LRRTM3: variants seen among roughly 807,000 people sequenced by gnomAD.
The protein encoded by LRRTM3 is leucine rich repeat transmembrane neuronal 3.
In LRRTM3, 24 loss-of-function variants were observed where a neutral mutation model predicts 44.7. That is an observed-to-expected ratio of 0.54 (90% CI 0.39 to 0.76). The LOEUF is 0.76. Among genes scored for constraint, LRRTM3 ranks in the 30% least tolerant of loss-of-function variants. LRRTM3 has a pLI of 0.00. For missense variants in LRRTM3, 587 were observed against 702.2 expected (o/e 0.84, Z 1.85); for synonymous variants, 277 against 278.7 (o/e 0.99, Z 0.06).
intron 2 of LRRTM3, among the ~76,000 whole-genome samples, chr10:67,095,787 G>A (rs1225886487): frequency 6.6e-6 from 1 of 151,798 alleles, no homozygotes; most frequent in African/African-American, 2.4e-5. Flanking sequence ...AGAGGATAAT[G>A]TAAAACTCGT....
Position 66,952,244 on chromosome 10 carries a change from G to A in LRRTM3, c.1536+23792G>A, listed in dbSNP as rs189917702. On this transcript the variant is annotated intron_variant, in intron 2 of 2. Coordinates refer to ENST00000361320, the MANE Select transcript of LRRTM3 (RefSeq NM_178011.5). ...AATGAAAAGAATACTCATTGTAATTGAAACTATGCAGGGGACAGAGCTTCC... is the reference window on the plus strand; with the variant it reads ...AATGAAAAGAATACTCATTGTAATTAAAACTATGCAGGGGACAGAGCTTCC... Among the ~76,000 whole-genome samples, 118 of 152,282 alleles carry A rather than the reference G, an allele frequency of 7.7e-4. No individual in the cohort carries two copies. The Middle Eastern group carries it at 0.014, about 18-fold the overall frequency.
At chr10:67,038,244 TA>T (rs894446367) in intron 2 of LRRTM3, among the ~76,000 whole-genome samples, 2 of 152,128 alleles carry the variant, frequency 1.3e-5, no homozygotes, top group Non-Finnish European at 2.9e-5. Flanking sequence ...TTAGCCATTC[TA>T]AAAAAATCTA....
intron 2 of LRRTM3, among the ~76,000 whole-genome samples, chr10:67,015,910 CAA>C (rs1393020741): frequency 6.6e-6 from 1 of 151,840 alleles, no homozygotes; most frequent in Non-Finnish European, 1.5e-5. Flanking sequence ...TGTTTTCAAT[CAA>C]GTTTATTCTA....
chr10:67,073,365 T>C (rs1336599519), intron 2 of LRRTM3, among the ~76,000 whole-genome samples: 2 of 152,218 alleles, frequency 1.3e-5, no homozygotes. Context: ...TTCAACCATA[T>C]TGCTTTTTTT....
intron 2 of LRRTM3, among the ~76,000 whole-genome samples, chr10:67,001,435 G>A (rs968012806): frequency 6.6e-6 from 1 of 151,844 alleles, no homozygotes; most frequent in Non-Finnish European, 1.5e-5. Flanking sequence ...GGTGAAGTAG[G>A]AGCTGAAGAC....
chr10:66,985,267 A>G (rs1207168515), intron 2 of LRRTM3, among the ~76,000 whole-genome samples: 3 of 152,228 alleles, frequency 2.0e-5, no homozygotes, highest in African/African-American at 7.2e-5. Context: ...TTATTGTTAT[A>G]AAGTTTAACA....
chr10:66,948,044 G>T (rs1848363012), intron 2 of LRRTM3, among the ~76,000 whole-genome samples: 1 of 152,198 alleles, frequency 6.6e-6, no homozygotes, highest in Non-Finnish European at 1.5e-5. Context: ...AATGGTATTT[G>T]TGTAGCTACG....
At chr10:66,964,362 C>A (rs1849286494) in intron 2 of LRRTM3, among the ~76,000 whole-genome samples, 1 of 151,334 alleles carries the variant, frequency 6.6e-6, no homozygotes. Flanking sequence ...TTTCATAAAT[C>A]ACTCTACCTT....
intron 2 of LRRTM3, among the ~76,000 whole-genome samples, chr10:66,939,159 T>C (rs1431780438): frequency 1.3e-5 from 2 of 152,168 alleles, no homozygotes; most frequent in African/African-American, 2.4e-5. Flanking sequence ...AGCTGACAAG[T>C]AGTAATGCTC....
chr10:66,996,278 A>C (rs1157529913), intron 2 of LRRTM3, among the ~76,000 whole-genome samples: 1 of 152,210 alleles, frequency 6.6e-6, no homozygotes, highest in Admixed American at 6.5e-5. Flanking sequence ...TTATCTATCT[A>C]ACTTAGTAGC....
intron 2 of LRRTM3, among the ~76,000 whole-genome samples, chr10:67,052,976 T>C (rs1855204739): frequency 6.6e-6 from 1 of 152,208 alleles, no homozygotes; most frequent in Non-Finnish European, 1.5e-5. Flanking sequence ...TCATTGTACT[T>C]ACACTGACTA....
intron 2 of LRRTM3, among the ~76,000 whole-genome samples, chr10:67,034,447 T>C (rs1360992565): frequency 6.6e-6 from 1 of 152,316 alleles, no homozygotes; most frequent in East Asian, 1.9e-4. Context: ...TTATGATCTA[T>C]CACATCTTCT....
chr10:66,967,874 A>C (rs942991275), intron 2 of LRRTM3, among the ~76,000 whole-genome samples: 16 of 152,098 alleles, frequency 1.1e-4, no homozygotes, highest in African/African-American at 3.9e-4. Flanking sequence ...AGGTTCTTAG[A>C]AGGGAGGAAG....
intron 2 of LRRTM3, among the ~76,000 whole-genome samples, chr10:66,952,851 C>T (rs1848604717): frequency 6.6e-6 from 1 of 151,802 alleles, no homozygotes; most frequent in South Asian, 2.1e-4. Flanking sequence ...TTAAGATAAG[C>T]CTGATACAAA....
At chr10:66,928,553 C>A (rs1847203263) in intron 2 of LRRTM3, 101 bp downstream of exon 2, 12 of 1,079,934 alleles carry the variant, frequency 1.1e-5, no homozygotes, top group Non-Finnish European at 1.3e-5. Flanking sequence ...CCCCCCCTCC[C>A]CTTCCCTCTC....
At chr10:66,969,530 C>A (rs1021168789) in intron 2 of LRRTM3, among the ~76,000 whole-genome samples, 2 of 152,040 alleles carry the variant, frequency 1.3e-5, no homozygotes, top group African/African-American at 4.8e-5. Flanking sequence ...TTTTTATATG[C>A]CAAATTGCTG....
At chr10:67,060,662 T>C (rs1436014498) in intron 2 of LRRTM3, among the ~76,000 whole-genome samples, 2 of 151,744 alleles carry the variant, frequency 1.3e-5, no homozygotes, top group Non-Finnish European at 2.9e-5. Flanking sequence ...TACCATGGGT[T>C]CCTGTCTCTC....
At position 67,098,005 on chromosome 10, in the gene LRRTM3, T is replaced by G; in HGVS notation, c.*209T>G. 1 of 571,100 alleles carries G rather than the reference T, an allele frequency of 1.8e-6. No individual in the cohort carries two copies. Among genetic ancestry groups the G allele is most frequent in the South Asian group, 2.1e-5 (1 of 47,100 alleles). 35.4% of individuals were successfully genotyped at this position (571,100 alleles called of 1,614,324 possible). ...TTGTAATTAGCTAAGTTGTGCAGTATTTTTTGACTTAAACAGAGTATGACC... is the reference window on the plus strand; with the variant it reads ...TTGTAATTAGCTAAGTTGTGCAGTAGTTTTTGACTTAAACAGAGTATGACC... On this transcript the variant is annotated 3_prime_UTR_variant, in exon 3 of 3. Transcript: ENST00000361320.
At chr10:66,987,323 C>T (rs1158607689) in intron 2 of LRRTM3, among the ~76,000 whole-genome samples, 1 of 152,070 alleles carries the variant, frequency 6.6e-6, no homozygotes, top group African/African-American at 2.4e-5. Context: ...AAGAGTATCA[C>T]ATTGATTCAG....
Sources: gnomAD v4.1 joint callset for allele counts (sites outside exome capture counted in the v4.1 genomes callset) on GRCh38, gnomAD v4.1.1 for gene constraint, MANE v1.5 for transcripts, NCBI Gene and HGNC (gene_info 2026-07-23, HGNC 2026-07-21) for gene names.